Variants in CD1B observed in about 807,000 individuals in gnomAD.
CD1B encodes the protein T-cell surface glycoprotein CD1b.
Under a neutral mutation model 39.8 loss-of-function variants are expected in CD1B, and 43 were observed. The ratio of observed to expected loss-of-function variants is 1.08; its 90% CI spans 0.85 to 1.39. The LOEUF is 1.39. Among genes scored for constraint, CD1B ranks in the 40% most tolerant of loss-of-function variants. The pLI, the probability that CD1B is intolerant of heterozygous loss-of-function variation, is 0.00. For missense variants in CD1B, 495 were observed against 403.8 expected (o/e 1.23, Z -1.94); for synonymous variants, 192 against 152.5 (o/e 1.26, Z -1.91).
the CD1B span, among the ~76,000 whole-genome samples, chr1:158,298,060 G>A: frequency 1.3e-5 from 2 of 151,966 alleles, no homozygotes; most frequent in Non-Finnish European, 2.9e-5. Flanking sequence ...AATCTGTCAA[G>A]CATACAGGAA....
At chr1:158,317,426 C>T in the CD1B span, among the ~76,000 whole-genome samples, 1 of 152,268 alleles carries the variant, frequency 6.6e-6, no homozygotes, top group South Asian at 2.1e-4. Context: ...TCCATTTCTT[C>T]TTGATTTTCT....
chr1:158,287,000 C>G, the CD1B span, among the ~76,000 whole-genome samples: 1 of 152,266 alleles, frequency 6.6e-6, no homozygotes, highest in Admixed American at 6.5e-5. Flanking sequence ...TGCTCTCCTC[C>G]TCCAGGCCCT....
chr1:158,297,466 C>A, the CD1B span, among the ~76,000 whole-genome samples: 1 of 152,150 alleles, frequency 6.6e-6, no homozygotes, highest in Admixed American at 6.6e-5. Flanking sequence ...AAATAAAAGA[C>A]TCTTACCAGC....
chr1:158,301,607 A>G, the CD1B span, among the ~76,000 whole-genome samples: 1 of 152,120 alleles, frequency 6.6e-6, no homozygotes, highest in Non-Finnish European at 1.5e-5. Flanking sequence ...AGAATGTTGA[A>G]TATTGGCCCC....
chr1:158,331,379 A>G lies in CD1B; in HGVS notation c.45T>C (p.Gly15=). 1.2e-6 allele frequency: 2 copies of G among 1,613,976 alleles called. No individual in the cohort carries two copies. Among genetic ancestry groups the G allele is most frequent in the Non-Finnish European group, 1.7e-6 (2 of 1,179,870 alleles). Residue 15 remains glycine, a synonymous_variant, in exon 1 of 6, where the codon GGT becomes GGC. Transcript: ENST00000368168. Reference sequence around the variant, plus strand: ...GACTCTTACCATGTTCACTGTTACCACCAGGAAAGAGAACAGCTAACAGTT... The same window carrying G: ...GACTCTTACCATGTTCACTGTTACCGCCAGGAAAGAGAACAGCTAACAGTT... The part of the protein sequence containing the change: ...PFQLLAVLFP[G]GNSEHAFQGP...
the CD1B span, among the ~76,000 whole-genome samples, chr1:158,307,029 G>T: frequency 6.6e-6 from 1 of 152,118 alleles, no homozygotes; most frequent in South Asian, 2.1e-4. Context: ...AACTAGAGAA[G>T]CAAGAGCAAA....
chr1:158,305,978 T>G, the CD1B span, among the ~76,000 whole-genome samples: 2 of 152,260 alleles, frequency 1.3e-5, no homozygotes, highest in South Asian at 4.1e-4. Flanking sequence ...TGCAAAAACA[T>G]GCCAAATTGT....
the CD1B span, among the ~76,000 whole-genome samples, chr1:158,306,638 C>A: frequency 6.6e-6 from 1 of 152,208 alleles, no homozygotes; most frequent in Non-Finnish European, 1.5e-5. Flanking sequence ...TTCTTCTCAG[C>A]ACCACACCGC....
chr1:158,329,030 G>A lies in CD1B; in HGVS notation c.887-16C>T, dbSNP rs1292501744. 6.3e-7 allele frequency: 1 copy of A among 1,589,960 alleles called. No individual in the cohort carries two copies. Among genetic ancestry groups the A allele is most frequent in the East Asian group, 2.2e-5 (1 of 44,776 alleles). ...GTGGGGTTTCCTGGCAATTGAGAGA[G>A]GACAAAAGGATGTCACTTCAGATAC... On this transcript the variant is annotated splice_polypyrimidine_tract_variant and intron_variant, in intron 4 of 5. Coordinates refer to ENST00000368168, the MANE Select transcript of CD1B (RefSeq NM_001764.3).
the CD1B span, chr1:158,293,444 T>C: frequency 8.7e-6 from 14 of 1,613,802 alleles, no homozygotes; most frequent in East Asian, 2.2e-5. Flanking sequence ...CCCATTCCTG[T>C]TCCTTCACAG....
At chr1:158,304,466 G>C in the CD1B span, among the ~76,000 whole-genome samples, 48 of 152,226 alleles carry the variant, frequency 3.2e-4, no homozygotes, top group African/African-American at 1.1e-3. Flanking sequence ...GTAGCCCACC[G>C]CAGCTCAAGG....
chr1:158,291,281 A>C, the CD1B span: 11,479 of 1,614,036 alleles, frequency 7.1e-3, 485 homozygotes, highest in African/African-American at 0.11. Context: ...TTCCTGCATA[A>C]CTGGTCCAAG....
At chr1:158,297,889 T>A in the CD1B span, among the ~76,000 whole-genome samples, 4 of 150,788 alleles carry the variant, frequency 2.7e-5, no homozygotes, top group Admixed American at 2.0e-4. Flanking sequence ...TAAGTTGTGA[T>A]CATGCCACTG....
At chr1:158,291,089 T>C in the CD1B span, 1 of 359,568 alleles carries the variant, frequency 2.8e-6, no homozygotes, top group Non-Finnish European at 4.2e-6. Flanking sequence ...CTTGCCTCTC[T>C]TTTTTTTTTT....
chr1:158,320,329 C>G, the CD1B span, among the ~76,000 whole-genome samples: 5 of 152,228 alleles, frequency 3.3e-5, no homozygotes, highest in African/African-American at 1.2e-4. Flanking sequence ...GCGTAGGACC[C>G]TCCGAAGCAG....
the CD1B span, among the ~76,000 whole-genome samples, chr1:158,314,667 A>G: frequency 2.7e-5 from 4 of 150,494 alleles, no homozygotes; most frequent in Non-Finnish European, 3.0e-5. Context: ...TTATTTTTTT[A>G]TTATTATACT....
At chr1:158,322,594 T>C in the CD1B span, among the ~76,000 whole-genome samples, 1 of 152,018 alleles carries the variant, frequency 6.6e-6, no homozygotes, top group Non-Finnish European at 1.5e-5. Context: ...TACCAGTGAG[T>C]TTTATACCTT....
chr1:158,312,419 A>C, the CD1B span, among the ~76,000 whole-genome samples: 1 of 152,208 alleles, frequency 6.6e-6, no homozygotes, highest in Admixed American at 6.5e-5. Context: ...TGTGAGTCCA[A>C]ATAAACCTCT....
the CD1B span, chr1:158,290,062 G>T: frequency 1.1e-5 from 18 of 1,613,534 alleles, no homozygotes; most frequent in African/African-American, 2.7e-5. Flanking sequence ...ATCTGCAAAT[G>T]ACATGCTGTT....
Sources: gnomAD v4.1 joint callset for allele counts (sites outside exome capture counted in the v4.1 genomes callset) on GRCh38, gnomAD v4.1.1 for gene constraint, MANE v1.5 for transcripts, NCBI Gene and HGNC (gene_info 2026-07-23, HGNC 2026-07-21) for gene names.